GPR157: variants seen among roughly 807,000 people sequenced by gnomAD.
GPR157 encodes the protein G-protein coupled receptor 157.
Under a neutral mutation model 23.5 loss-of-function variants are expected in GPR157, and 16 were observed. The observed-to-expected ratio is 0.68, with a 90% CI of 0.46 to 1.04. The LOEUF is 1.04. Ranked by LOEUF, GPR157 falls within the 50% of genes least tolerant of loss-of-function variation. The pLI, the probability that GPR157 is intolerant of heterozygous loss-of-function variation, is 0.00. For synonymous variants in GPR157, 200 were observed against 221.5 expected (o/e 0.90, Z 0.86); for missense variants, 440 against 460.7 (o/e 0.96, Z 0.41).
chr1:9,123,154 C>T (rs1255464714), intron 1 of GPR157, among the ~76,000 whole-genome samples: 2 of 112,224 alleles, frequency 1.8e-5, no homozygotes, highest in Non-Finnish European at 3.3e-5. Context: ...GTGAAACTGT[C>T]TTGGGTGGGA....
At chr1:9,123,538 A>AC (rs1464202941) in intron 1 of GPR157, among the ~76,000 whole-genome samples, 14 of 44,624 alleles carry the variant, frequency 3.1e-4, no homozygotes, top group Non-Finnish European at 4.6e-4. Flanking sequence ...ATATATTTAA[A>AC]TATATCTAAT....
At chr1:9,123,711 T>C (rs1412339361) in intron 1 of GPR157, among the ~76,000 whole-genome samples, 5 of 106,716 alleles carry the variant, frequency 4.7e-5, no homozygotes, top group African/African-American at 1.9e-4. Context: ...ATTTTAAATA[T>C]GTATTTATAT....
chr1:9,114,324 C>A (rs1251540317), intron 1 of GPR157, among the ~76,000 whole-genome samples: 1 of 19,666 alleles, frequency 5.1e-5, no homozygotes, highest in South Asian at 1.5e-3. Context: ...GTGAGACTGT[C>A]TCAAAAAAAA....
rs529240571 is a variant in GPR157 at position 9,104,691 on chromosome 1, G to A, written c.793-57C>T. The A allele has an allele frequency of 1.5e-5, 20 of 1,312,760 alleles. No homozygotes were observed. The African/African-American group carries it at 1.8e-4, about 12-fold the overall frequency. 81.3% of individuals were successfully genotyped at this position (1,312,760 alleles called of 1,614,324 possible). A position where few individuals can be genotyped will look rare whatever the true frequency, so the allele number is the denominator to read the frequency against. On this transcript the variant is annotated intron_variant, in intron 3 of 3. Coordinates refer to ENST00000377411, the MANE Select transcript of GPR157 (RefSeq NM_024980.5). ...GCTGGAGTTGGTCTCAGAAACACAC[G>A]CGCTGTTGCAATTAAGAGAAACGGC... is the stretch of plus-strand genomic sequence containing the variant.
rs762170177 is a variant in GPR157, at chr1:9,128,538, C to A, written c.383+107G>T. ...CGGGGGCGCCAGCAGGCACTGCTTGCTGTGGGTAGGGGGTGTCCAACCTAG... is the reference window on the plus strand; with the variant it reads ...CGGGGGCGCCAGCAGGCACTGCTTGATGTGGGTAGGGGGTGTCCAACCTAG... On this transcript the variant is annotated intron_variant, in intron 1 of 3. Transcript: ENST00000377411. This position sits in a 1 kb window ranked among gnomAD's most constrained non-coding sequence, Gnocchi z 6.3. The A allele has an allele frequency of 9.3e-7, 1 of 1,072,342 alleles. No homozygotes were observed. 66.4% of individuals were successfully genotyped at this position (1,072,342 alleles called of 1,614,324 possible).
rs1488276589 is a variant in GPR157, at chr1:9,102,624, T to C, written c.*1795A>G. The C allele has an allele frequency of 2.0e-5, 3 of 152,026 alleles. No homozygotes were observed. The highest frequency in any genetic ancestry group is 2.1e-4 in the South Asian group (1 of 4,824). The allele number at this position is 152,026 out of a possible 1,614,324, so 9.4% of individuals were successfully genotyped here. On this transcript the variant is annotated 3_prime_UTR_variant, in exon 4 of 4. Coordinates refer to ENST00000377411, the MANE Select transcript of GPR157 (RefSeq NM_024980.5). ...GCTCAGAAAATCATGCTTTGTCGAG[T>C]TCTGATGGATTCCAAGGGAAATCAC...
At chr1:9,109,227 C>G (rs1024466932) in intron 2 of GPR157, among the ~76,000 whole-genome samples, 6 of 151,016 alleles carry the variant, frequency 4.0e-5, no homozygotes, top group South Asian at 2.1e-4. Context: ...GGATTCTAGG[C>G]ACCTGCCACC....
chr1:9,128,549 G>C lies in GPR157; in HGVS notation c.383+96C>G. The C allele has an allele frequency of 8.5e-7, 1 of 1,177,642 alleles. No homozygotes were observed. The allele number at this position is 1,177,642 out of a possible 1,614,324, so 72.9% of individuals were successfully genotyped here. ...GCAGGCACTGCTTGCTGTGGGTAGG[G>C]GGTGTCCAACCTAGACGCGGCCTCT... On this transcript the variant is annotated intron_variant, in intron 1 of 3. Transcript: ENST00000377411. The surrounding 1 kb of genome is among the most constrained non-coding windows in gnomAD (Gnocchi z 6.3).
rs1456305682 is a variant in GPR157, at chr1:9,105,293, C to T, written c.792+193G>A. Among the ~76,000 whole-genome samples, 1 of 152,170 alleles carries T rather than the reference C, an allele frequency of 6.6e-6. No individual in the cohort carries two copies. The highest frequency in any genetic ancestry group is 1.5e-5 in the Non-Finnish European group (1 of 68,026). On this transcript the variant is annotated intron_variant, in intron 3 of 3. Transcript: ENST00000377411. This position sits in a 1 kb window ranked among gnomAD's most constrained non-coding sequence, Gnocchi z 4.8. Reference sequence around the variant, plus strand: ...GAGCACCTCACCACCCCGGACCACACTGATCCCACTCTGCCTTCTCTCTTC... The same window carrying T: ...GAGCACCTCACCACCCCGGACCACATTGATCCCACTCTGCCTTCTCTCTTC...
chr1:9,123,236 AT>A (rs1329320979), intron 1 of GPR157, among the ~76,000 whole-genome samples: 92 of 67,506 alleles, frequency 1.4e-3, no homozygotes, highest in Non-Finnish European at 2.0e-3. Flanking sequence ...ATATTTAAAT[AT>A]ATATTAATTT....
At chr1:9,113,504 A>T (rs1638559535) in intron 1 of GPR157, among the ~76,000 whole-genome samples, 1 of 152,166 alleles carries the variant, frequency 6.6e-6, no homozygotes, top group South Asian at 2.1e-4. Context: ...GCCCTGGCCA[A>T]CCATCCCCTC....
chr1:9,104,721 C>T (rs1638235709), intron 3 of GPR157, 87 bp from the exon 4 acceptor site: 4 of 1,017,460 alleles, frequency 3.9e-6, no homozygotes, highest in Non-Finnish European at 5.7e-6. Flanking sequence ...AACGGCTAGG[C>T]TGGGTGCGGT....
chr1:9,105,585 C>A lies in GPR157; in HGVS notation c.693G>T (p.Pro231=). 1 of 1,610,878 alleles carries A rather than the reference C, an allele frequency of 6.2e-7. No individual in the cohort carries two copies. The highest frequency in any genetic ancestry group is 8.5e-7 in the Non-Finnish European group (1 of 1,179,058). ...AGACCCTGAGGCCGATGAAGATGAG[C>A]GGGATGAGCACCAGCTTCTTGTCCG... The part of the protein sequence containing the change: ...SMADKKLVLI[P]LIFIGLRVWS... Residue 231 remains proline (P), a synonymous_variant, in exon 3 of 4, where the codon CCG becomes CCT. Transcript: ENST00000377411. This position sits in a 1 kb window ranked among gnomAD's most constrained non-coding sequence, Gnocchi z 4.8.
In GPR157 at chr1:9,104,491, C is replaced by T. The variant is rs751897234; in HGVS notation, c.936G>A (p.Lys312=). The T allele has an allele frequency of 1.2e-6, 2 of 1,613,708 alleles. No individual in the cohort carries two copies. The highest frequency in any genetic ancestry group is 3.3e-5 in the Admixed American group (2 of 59,992). ...CTCCTGGCTTGGAAGGCGCGGGAGC[C>T]TTGGGAGTGCCAGCCGGGCTCTTGG... The part of the protein sequence containing the change: ...PPTKSPAGTP[K]APAPSKPGES... The change falls in exon 4 of 4, where the codon AAG becomes AAA. Residue 312 remains lysine (K), a synonymous_variant. Coordinates refer to ENST00000377411, the MANE Select transcript of GPR157 (RefSeq NM_024980.5).
At chr1:9,123,288 A>T (rs1301843110) in intron 1 of GPR157, among the ~76,000 whole-genome samples, 5 of 25,246 alleles carry the variant, frequency 2.0e-4, no homozygotes, top group African/African-American at 7.9e-4. Flanking sequence ...ATATATTTAA[A>T]TTAATATATA....
chr1:9,113,856 T>C lies in GPR157; in HGVS notation c.384-2367A>G, dbSNP rs898324985. Among the ~76,000 whole-genome samples, 88 of 150,474 alleles carry C rather than the reference T, an allele frequency of 5.8e-4. 1 individual carries two copies. The highest frequency in any genetic ancestry group is 2.0e-3 in the African/African-American group (81 of 40,860). ...TACTTGGGAGCCTGAGGCAGGAGAATCGCTTGAACCTGGGAGGCAGAGGTT... is the reference window on the plus strand; with the variant it reads ...TACTTGGGAGCCTGAGGCAGGAGAACCGCTTGAACCTGGGAGGCAGAGGTT... On this transcript the variant is annotated intron_variant, in intron 1 of 3. Coordinates refer to ENST00000377411, the MANE Select transcript of GPR157 (RefSeq NM_024980.5).
At chr1:9,108,394 A>C (rs1336952042) in intron 2 of GPR157, among the ~76,000 whole-genome samples, 1 of 152,164 alleles carries the variant, frequency 6.6e-6, no homozygotes, top group Middle Eastern at 3.2e-3. Context: ...AAGAGGACCC[A>C]TTGTCACCCG....
At position 9,128,993 on chromosome 1, in the gene GPR157, G is replaced by C. The variant is rs1242605752; in HGVS notation, c.35C>G (p.Pro12Arg). 38 of 1,343,210 alleles carry C rather than the reference G, an allele frequency of 2.8e-5. No homozygotes were observed. The highest frequency in any genetic ancestry group is 9.2e-5 in the African/African-American group (6 of 65,108). The allele number at this position is 1,343,210 out of a possible 1,614,324, so 83.2% of individuals were successfully genotyped here. ...QPSPPPTELV[P>R]SERAVVLLSC... ...CAGCAGCACCACGGCGCGCTCCGAC[G>C]GCACCAGCTCGGTGGGCGGCGGGGA... Residue 12 changes from proline to arginine, a missense_variant, in exon 1 of 4, where the codon CCG (proline) becomes CGG (arginine). Pro to Arg is a moderately radical substitution (Grantham distance 103). Transcript: ENST00000377411. The surrounding 1 kb of genome is among the most constrained non-coding windows in gnomAD (Gnocchi z 6.3).
At chr1:9,114,345 A>AAAAG (rs1553174869) in intron 1 of GPR157, among the ~76,000 whole-genome samples, 5 of 150,704 alleles carry the variant, frequency 3.3e-5, no homozygotes, top group African/African-American at 2.4e-5. Flanking sequence ...AAAAAAAAAA[A>AAAAG]GTAATCGGCT....
Sources: allele counts gnomAD v4.1 joint callset (sites outside exome capture counted in the v4.1 genomes callset), GRCh38; gene constraint gnomAD v4.1.1; non-coding constraint Gnocchi (gnomAD v3.1); transcripts MANE v1.5; gene names NCBI Gene and HGNC (gene_info 2026-07-23, HGNC 2026-07-21).